SEMA5A: variants seen among roughly 807,000 people sequenced by gnomAD.
SEMA5A encodes the protein semaphorin-5A.
In SEMA5A, 55 loss-of-function variants were observed where a neutral mutation model predicts 135.5. The observed-to-expected ratio is 0.41, with a 90% CI of 0.33 to 0.51. SEMA5A has a LOEUF of 0.51. Ranked by LOEUF, SEMA5A falls within the 20% of genes least tolerant of loss-of-function variation. SEMA5A has a pLI of 0.37. For synonymous variants in SEMA5A, 580 were observed against 546.5 expected (o/e 1.06, Z -0.85); for missense variants, 1,290 against 1,419.9 (o/e 0.91, Z 1.47).
intron 8 of SEMA5A, among the ~76,000 whole-genome samples, chr5:9,210,572 G>A (rs1189471389): frequency 2.6e-5 from 4 of 152,178 alleles, no homozygotes; most frequent in Non-Finnish European, 5.9e-5. Flanking sequence ...GAGAGATGGA[G>A]GCCATTTGTA....
At chr5:9,162,664 C>T (rs1743359635) in intron 11 of SEMA5A, among the ~76,000 whole-genome samples, 1 of 150,484 alleles carries the variant, frequency 6.6e-6, no homozygotes, top group Admixed American at 6.7e-5. Context: ...AAGATACATT[C>T]TTGGGGAGAC....
chr5:9,108,733 A>T (rs79956412), intron 15 of SEMA5A, among the ~76,000 whole-genome samples: 191 of 152,290 alleles, frequency 1.3e-3, no homozygotes, highest in African/African-American at 4.5e-3. Context: ...ATAAGCCCAT[A>T]GTTATATTAG....
At position 9,472,828 on chromosome 5, in the gene SEMA5A, A is replaced by G. The variant is rs904716254; in HGVS notation, c.-174-34976T>C. On this transcript the variant is annotated intron_variant, in intron 1 of 22. Transcript: ENST00000382496. Reference sequence around the variant, plus strand: ...CATTTCTTTCTAATCTTTATTCAAAATTATTAGAAGTATATATAAAAATAT... The same window carrying G: ...CATTTCTTTCTAATCTTTATTCAAAGTTATTAGAAGTATATATAAAAATAT... Among the ~76,000 whole-genome samples the G allele has an allele frequency of 2.0e-4, 30 of 151,524 alleles. 1 individual carries two copies. The highest frequency in any genetic ancestry group is 8.8e-5 in the Non-Finnish European group (6 of 67,878).
intron 19 of SEMA5A, among the ~76,000 whole-genome samples, chr5:9,052,809 T>TA (rs371276015): frequency 0.018 from 2,564 of 144,352 alleles, 40 homozygotes; most frequent in African/African-American, 0.039. Flanking sequence ...GTAAGAAGGT[T>TA]AAAAAAAAAA....
chr5:9,357,157 C>T (rs1389955526), intron 3 of SEMA5A, among the ~76,000 whole-genome samples: 2 of 152,118 alleles, frequency 1.3e-5, no homozygotes, highest in African/African-American at 4.8e-5. Context: ...TTCATTTTAC[C>T]ATCCAACCTC....
Position 9,135,259 on chromosome 5 carries a change from C to T in SEMA5A, c.1599+1245G>A, listed in dbSNP as rs929780687. On this transcript the variant is annotated intron_variant, in intron 13 of 22. Transcript: ENST00000382496. ...GCAGTGGCACGATCTCGGCTCACTG[C>T]AAGCTCTGCCTCCCGAGTTCACGCC... is the stretch of plus-strand genomic sequence containing the variant. Among the ~76,000 whole-genome samples the T allele has an allele frequency of 4.7e-5, 7 of 149,308 alleles. No homozygotes were observed. In the South Asian group the frequency reaches 1.5e-3, roughly 32 times the overall value.
chr5:9,320,718 A>G (rs1752592308), intron 4 of SEMA5A, among the ~76,000 whole-genome samples: 1 of 152,134 alleles, frequency 6.6e-6, no homozygotes, highest in African/African-American at 2.4e-5. Flanking sequence ...ATCCTGTCTC[A>G]ACAACAACAA....
chr5:9,251,835 G>A (rs956657586), intron 5 of SEMA5A, among the ~76,000 whole-genome samples: 2 of 152,146 alleles, frequency 1.3e-5, no homozygotes, highest in African/African-American at 4.8e-5. Flanking sequence ...AAGATGGCTG[G>A]TACTCTTCTG....
At position 9,428,165 on chromosome 5, in the gene SEMA5A, T is replaced by TATCC. The variant is rs770091241; in HGVS notation, c.-78+9587_-78+9590dup. ...CTATCTATCTATCTATCTATCTATCTATCCATCCATCCATCCATCCAATTG... is the reference window on the plus strand; with the variant it reads ...CTATCTATCTATCTATCTATCTATCTATCCATCCATCCATCCATCCATCCAATTG... On this transcript the variant is annotated intron_variant, in intron 2 of 22. Transcript: ENST00000382496. 7.3e-3 allele frequency among the ~76,000 whole-genome samples: 684 copies of TATCC among 93,926 alleles called. 3 individuals carry two copies. Among genetic ancestry groups the TATCC allele is most frequent in the Non-Finnish European group, 0.011 (499 of 43,420 alleles). 61.6% of individuals were successfully genotyped at this position (93,926 alleles called of 152,430 possible).
At chr5:9,264,507 G>C (rs150886849) in intron 5 of SEMA5A, among the ~76,000 whole-genome samples, 70 of 152,300 alleles carry the variant, frequency 4.6e-4, no homozygotes, top group Non-Finnish European at 7.9e-4. Context: ...TATGCTCCGG[G>C]AATGATTTTA....
intron 10 of SEMA5A, among the ~76,000 whole-genome samples, chr5:9,193,364 C>T (rs900120473): frequency 6.6e-6 from 1 of 152,198 alleles, no homozygotes; most frequent in Non-Finnish European, 1.5e-5. Context: ...ATGTGCCCTA[C>T]AATCCACAAC....
At chr5:9,389,361 C>T (rs1222615974) in intron 2 of SEMA5A, among the ~76,000 whole-genome samples, 3 of 152,132 alleles carry the variant, frequency 2.0e-5, no homozygotes, top group African/African-American at 7.2e-5. Context: ...AGATCCTCTC[C>T]CCAACCTCTG....
intron 16 of SEMA5A, among the ~76,000 whole-genome samples, chr5:9,079,285 A>G (rs1053490792): frequency 6.6e-6 from 1 of 152,162 alleles, no homozygotes; most frequent in Non-Finnish European, 1.5e-5. Flanking sequence ...CTACATGGAA[A>G]CTGAACAACC....
At chr5:9,271,888 A>G (rs543625350) in intron 5 of SEMA5A, among the ~76,000 whole-genome samples, 1 of 152,290 alleles carries the variant, frequency 6.6e-6, no homozygotes, top group Non-Finnish European at 1.5e-5. Context: ...GATTCCCTCC[A>G]GTGCCCACAC....
intron 5 of SEMA5A, among the ~76,000 whole-genome samples, chr5:9,300,243 G>A (rs926848824): frequency 1.3e-5 from 2 of 152,134 alleles, no homozygotes; most frequent in African/African-American, 4.8e-5. Flanking sequence ...ACCCAGGCTG[G>A]TCTCAAACTC....
chr5:9,423,853 A>G (rs142642690), intron 2 of SEMA5A, among the ~76,000 whole-genome samples: 3,644 of 152,320 alleles, frequency 0.024, 55 homozygotes, highest in South Asian at 0.041. Flanking sequence ...CAGAGATTCA[A>G]TGAGTCAACA....
intron 12 of SEMA5A, among the ~76,000 whole-genome samples, chr5:9,149,118 A>G (rs1266804400): frequency 6.6e-6 from 1 of 152,198 alleles, no homozygotes; most frequent in Non-Finnish European, 1.5e-5. Flanking sequence ...GTCTGGATCT[A>G]AAAGCGGATC....
At chr5:9,308,512 T>C (rs1161876759) in intron 5 of SEMA5A, among the ~76,000 whole-genome samples, 1 of 152,124 alleles carries the variant, frequency 6.6e-6, no homozygotes, top group South Asian at 2.1e-4. Context: ...ACTCCCTACC[T>C]TTTGAGAGCA....
chr5:9,225,652 C>T (rs1196202001), intron 7 of SEMA5A, among the ~76,000 whole-genome samples: 3 of 151,526 alleles, frequency 2.0e-5, no homozygotes, highest in Admixed American at 2.0e-4. Context: ...AATGTGTTCA[C>T]AAGTAAGGAT....
Sources: gnomAD v4.1 joint callset for allele counts (sites outside exome capture counted in the v4.1 genomes callset) on GRCh38, gnomAD v4.1.1 for gene constraint, MANE v1.5 for transcripts, NCBI Gene and HGNC (gene_info 2026-07-23, HGNC 2026-07-21) for gene names.